ETNK1: variants seen among roughly 807,000 people sequenced by gnomAD.
ETNK1 encodes putative protein product of Nbla10396.
Under a neutral mutation model 45.1 loss-of-function variants are expected in ETNK1, and 8 were observed. That is an observed-to-expected ratio of 0.18 (90% CI 0.10 to 0.32). The LOEUF is 0.32. Ranked by LOEUF, ETNK1 falls within the 10% of genes least tolerant of loss-of-function variation. The pLI is 1.00. For synonymous variants in ETNK1, 152 were observed against 151.9 expected, an observed-to-expected ratio of 1.00 and a Z score of -0.01; for missense variants, 302 against 430.6, an observed-to-expected ratio of 0.70 and a Z score of 2.64.
rs377529341 is a variant in ETNK1 at position 22,685,175 on chromosome 12, A to G, written c.*221A>G. The G allele has an allele frequency of 2.5e-6, 1 of 406,258 alleles. No homozygotes were observed. 25.2% of individuals were successfully genotyped at this position (406,258 alleles called of 1,614,324 possible). On this transcript the variant is annotated 3_prime_UTR_variant, in exon 8 of 8. Transcript: ENST00000266517. ...TATGTGGTGGATTAGAAATGTGTTAAATCTGCAAAAGGTATAAAGATGTCA... is the reference window on the plus strand; with the variant it reads ...TATGTGGTGGATTAGAAATGTGTTAGATCTGCAAAAGGTATAAAGATGTCA...
chr12:22,678,623 T>G (rs1954183902), intron 6 of ETNK1, among the ~76,000 whole-genome samples: 1 of 152,322 alleles, frequency 6.6e-6, no homozygotes, highest in African/African-American at 2.4e-5. Context: ...GTACATTAAC[T>G]ATATAATGAG....
intron 2 of ETNK1, among the ~76,000 whole-genome samples, chr12:22,653,846 T>C (rs1380965417): frequency 6.6e-6 from 1 of 152,208 alleles, no homozygotes; most frequent in African/African-American, 2.4e-5. Flanking sequence ...TAGTTAATTT[T>C]TTAAATCTCT....
chr12:22,639,635 C>T (rs1423843179), intron 1 of ETNK1, among the ~76,000 whole-genome samples: 1 of 151,786 alleles, frequency 6.6e-6, no homozygotes, highest in Non-Finnish European at 1.5e-5. Context: ...CGAGATCGTG[C>T]CACTTCACTC....
At chr12:22,654,486 A>C (rs1953915899) in intron 2 of ETNK1, among the ~76,000 whole-genome samples, 1 of 152,224 alleles carries the variant, frequency 6.6e-6, no homozygotes, top group Non-Finnish European at 1.5e-5. Flanking sequence ...AATAGATTTT[A>C]ATCCACCTGA....
chr12:22,676,975 G>A (rs373334740), intron 6 of ETNK1, among the ~76,000 whole-genome samples: 25 of 152,160 alleles, frequency 1.6e-4, no homozygotes, highest in East Asian at 9.6e-4. Flanking sequence ...TCACTCTGAC[G>A]ATAGTTTCTT....
chr12:22,644,348 GCTTATTA>G (rs768749256), intron 2 of ETNK1: 1 of 1,492,062 alleles, frequency 6.7e-7, no homozygotes, highest in South Asian at 1.4e-5. Context: ...ACTGCCGATT[GCTTATTA>G]CTTAATTGTT....
intron 2 of ETNK1, among the ~76,000 whole-genome samples, chr12:22,646,532 G>GTT (rs1366915755): frequency 6.6e-6 from 1 of 151,822 alleles, no homozygotes; most frequent in East Asian, 1.9e-4. Flanking sequence ...TTTGGGGTTA[G>GTT]TTGTCACATT....
intron 6 of ETNK1, among the ~76,000 whole-genome samples, chr12:22,680,229 T>A (rs185583453): frequency 1.1e-4 from 17 of 152,314 alleles, no homozygotes; most frequent in African/African-American, 3.8e-4. Flanking sequence ...TTTTTACCTT[T>A]GATTGAGGAC....
rs1953769881 is a variant in ETNK1, at chr12:22,643,789, A to G, written c.183A>G (p.Lys61=). 1.2e-6 allele frequency: 2 copies of G among 1,611,890 alleles called. No individual in the cohort carries two copies. Among genetic ancestry groups the G allele is most frequent in the African/African-American group, 2.7e-5 (2 of 74,836 alleles). ...LQLFTDGITN[K]LIGCYVGNTM... is the part of the protein sequence containing the mutation. ...TCTTCACAGATGGAATCACAAATAA[A>G]CTTATTGGCTGTTACGTGGGAAACA... Residue 61 remains lysine (K), a synonymous_variant, in exon 2 of 8, where the codon AAA becomes AAG. Transcript: ENST00000266517.
intron 1 of ETNK1, among the ~76,000 whole-genome samples, chr12:22,636,446 C>T (rs1276349170): frequency 2.0e-5 from 3 of 152,068 alleles, no homozygotes; most frequent in African/African-American, 7.2e-5. Flanking sequence ...TTGTTGGATA[C>T]ATGCACATTT....
At chr12:22,671,531 T>G (rs1954106962) in intron 5 of ETNK1, among the ~76,000 whole-genome samples, 176 bp downstream of exon 5, 1 of 152,168 alleles carries the variant, frequency 6.6e-6, no homozygotes, top group Non-Finnish European at 1.5e-5. Flanking sequence ...AATTTCTTCC[T>G]TAATTGCTAT....
intron 4 of ETNK1, among the ~76,000 whole-genome samples, chr12:22,666,910 T>G (rs899659763): frequency 6.6e-6 from 1 of 152,218 alleles, no homozygotes; most frequent in Admixed American, 6.5e-5. Flanking sequence ...GTAGTTGTCA[T>G]GTTACTCATG....
rs143660261 is a variant in ETNK1, at chr12:22,643,117, A to G, written c.157-646A>G. The stretch of plus-strand genomic sequence containing the variant: ...CATAGTGGTTAAATTATAATAGTCA[A>G]AACTGTTATACTCTGAGTGTATAAC... On this transcript the variant is annotated intron_variant, in intron 1 of 7. Transcript: ENST00000266517. Among the ~76,000 whole-genome samples the G allele has an allele frequency of 8.7e-3, 1,329 of 152,128 alleles. 19 individuals carry two copies. Among genetic ancestry groups the G allele is most frequent in the African/African-American group, 0.03 (1,263 of 41,514 alleles).
chr12:22,651,293 C>T (rs1953871581), intron 2 of ETNK1, among the ~76,000 whole-genome samples: 1 of 152,176 alleles, frequency 6.6e-6, no homozygotes, highest in Non-Finnish European at 1.5e-5. Context: ...TTGCCTGCCT[C>T]TTTTACTAGA....
intron 2 of ETNK1, chr12:22,656,383 A>G (rs1953941013): frequency 8.1e-6 from 8 of 984,908 alleles, no homozygotes; most frequent in Non-Finnish European, 9.6e-6. Flanking sequence ...TGTGATGTGC[A>G]GGGCCTCCTT....
intron 2 of ETNK1, among the ~76,000 whole-genome samples, chr12:22,658,805 G>C (rs935385602): frequency 2.0e-5 from 3 of 152,140 alleles, no homozygotes; most frequent in Non-Finnish European, 4.4e-5. Context: ...TGAAGGATAA[G>C]GAACCTGATC....
At chr12:22,678,046 A>G (rs1019078863) in intron 6 of ETNK1, among the ~76,000 whole-genome samples, 2 of 151,852 alleles carry the variant, frequency 1.3e-5, no homozygotes, top group African/African-American at 2.4e-5. Flanking sequence ...CTCTGTTGCT[A>G]TCTTCTTTTG....
At chr12:22,655,685 A>G (rs1455668540) in intron 2 of ETNK1, among the ~76,000 whole-genome samples, 1 of 149,286 alleles carries the variant, frequency 6.7e-6, no homozygotes, top group Non-Finnish European at 1.5e-5. Context: ...TATTGTCATT[A>G]TTGAATTTTA....
chr12:22,656,650 G>A, intron 2 of ETNK1: 1 of 985,332 alleles, frequency 1.0e-6, no homozygotes, highest in African/African-American at 1.7e-5. Flanking sequence ...GAGAAGTCAT[G>A]GAGTTCTGAC....
Sources: allele counts gnomAD v4.1 joint callset (sites outside exome capture counted in the v4.1 genomes callset), GRCh38; gene constraint gnomAD v4.1.1; transcripts MANE v1.5; gene names NCBI Gene and HGNC (gene_info 2026-07-23, HGNC 2026-07-21).